The following CALB1 variants were observed in gnomAD, a reference collection of about 807,000 sequenced individuals.
CALB1 encodes calbindin 1.
Under a neutral mutation model 46.7 loss-of-function variants are expected in CALB1, and 16 were observed. The observed-to-expected ratio is 0.34, with a 90% confidence interval of 0.23 to 0.52. The LOEUF is 0.52. CALB1 is among the 20% of genes least tolerant of loss of function. The pLI is 0.95. For missense variants in CALB1, 224 were observed against 300.3 expected (o/e 0.75, Z 1.88); for synonymous variants, 90 against 112.8 (o/e 0.80, Z 1.28).
intron 3 of CALB1, among the ~76,000 whole-genome samples, chr8:90,076,180 C>G (rs1219689254): frequency 2.0e-5 from 3 of 151,998 alleles, no homozygotes; most frequent in African/African-American, 7.2e-5. Context: ...GTGCTTTGCC[C>G]AAATAACTTC....
chr8:90,069,974 CTT>C (rs200651134), intron 3 of CALB1, among the ~76,000 whole-genome samples: 11 of 140,414 alleles, frequency 7.8e-5, no homozygotes, highest in Admixed American at 1.4e-4. Context: ...ATCCTCCTCT[CTT>C]TTTTTTTTTT....
At chr8:90,063,615 T>C (rs1419464008) in intron 6 of CALB1, 154 bp from the exon 7 acceptor site, 1 of 625,462 alleles carries the variant, frequency 1.6e-6, no homozygotes, top group Non-Finnish European at 2.8e-6. Flanking sequence ...TCAATGCAAA[T>C]TTTCAATTCT....
At chr8:90,062,853 G>T in intron 9 of CALB1, 3 of 363,126 alleles carry the variant, frequency 8.3e-6, no homozygotes, top group South Asian at 4.3e-5. Flanking sequence ...CTTGTATGAG[G>T]TATCTAAAAT....
chr8:90,071,681 G>A (rs562279465), intron 3 of CALB1, among the ~76,000 whole-genome samples: 1 of 152,142 alleles, frequency 6.6e-6, no homozygotes, highest in Admixed American at 6.5e-5. Flanking sequence ...ACATTTTGAG[G>A]GAAAGATTGA....
chr8:90,082,876 C>T lies in CALB1; in HGVS notation c.-179G>A, dbSNP rs1410437632. The T allele has an allele frequency of 1.6e-6, 1 of 619,928 alleles. No homozygotes were observed. Among genetic ancestry groups the T allele is most frequent in the Admixed American group, 2.8e-5 (1 of 36,292 alleles). 38.4% of individuals were successfully genotyped at this position (619,928 alleles called of 1,614,324 possible). The stretch of plus-strand genomic sequence containing the variant: ...GCTCAGCGTTCCTCCAGAGTTCTCT[C>T]CCTACACCCCGCACCCAGTTCTCAG... On this transcript the variant is annotated 5_prime_UTR_variant, in exon 1 of 11. Transcript: ENST00000265431.
At chr8:90,060,365 A>G in intron 10 of CALB1, 79 bp from the exon 11 acceptor site, 1 of 887,464 alleles carries the variant, frequency 1.1e-6, no homozygotes, top group South Asian at 1.3e-5. Flanking sequence ...AAAATGTGAG[A>G]TGAAACTACT....
chr8:90,063,437 C>A lies in CALB1; in HGVS notation c.475G>T (p.Asp159Tyr). Residue 159 changes from aspartate to tyrosine, a missense_variant, in exon 7 of 11, where the codon GAT becomes TAT. By Grantham distance (160) the Asp-to-Tyr change is radical. Coordinates refer to ENST00000265431, the MANE Select transcript of CALB1 (RefSeq NM_004929.4). ...LMLKLFDSNN[D>Y]GKLELTEMAR... is the part of the protein sequence containing the mutation. ...ATCTCAGTTAATTCCAGCTTCCCAT[C>A]ATTATTTGAATCAAATAGTTTCAGC... The A allele has an allele frequency of 6.2e-7, 1 of 1,611,222 alleles. No individual in the cohort carries two copies. Among genetic ancestry groups the A allele is most frequent in the Admixed American group, 1.7e-5 (1 of 59,824 alleles).
intron 5 of CALB1, among the ~76,000 whole-genome samples, chr8:90,068,435 A>G (rs745580847): frequency 5.9e-5 from 9 of 152,180 alleles, no homozygotes; most frequent in Non-Finnish European, 1.3e-4. Flanking sequence ...TAGGTTGTGT[A>G]GAATGTCTAC....
intron 3 of CALB1, among the ~76,000 whole-genome samples, chr8:90,073,907 C>A (rs576130044): frequency 8.5e-5 from 13 of 152,276 alleles, no homozygotes; most frequent in African/African-American, 1.4e-4. Flanking sequence ...TGAAAGGCAA[C>A]TTCATTAGTG....
chr8:90,073,034 CTAG>C (rs1814562024), intron 3 of CALB1, among the ~76,000 whole-genome samples: 1 of 152,150 alleles, frequency 6.6e-6, no homozygotes, highest in Non-Finnish European at 1.5e-5. Context: ...GTCTCCCCTA[CTAG>C]TCTACGTGCT....
chr8:90,068,464 A>C (rs1814439449), intron 5 of CALB1, among the ~76,000 whole-genome samples: 1 of 152,194 alleles, frequency 6.6e-6, no homozygotes, highest in African/African-American at 2.4e-5. Flanking sequence ...GAGGCAGACA[A>C]GCCTGGATTT....
rs532517614 is a variant in CALB1, at chr8:90,070,548, C to T, written c.232-1311G>A. On this transcript the variant is annotated intron_variant, in intron 3 of 10. Coordinates refer to ENST00000265431, the MANE Select transcript of CALB1 (RefSeq NM_004929.4). ...TAATTTTTCTTATGCCTGTGTATGC[C>T]CTTTAGCTTATCTTATGTTTAGATT... Among the ~76,000 whole-genome samples, 4 of 151,894 alleles carry T rather than the reference C, an allele frequency of 2.6e-5. No individual in the cohort carries two copies. In the Middle Eastern group the frequency reaches 0.014, roughly 517 times the overall value.
intron 5 of CALB1, among the ~76,000 whole-genome samples, chr8:90,066,796 T>C (rs1015954328): frequency 6.6e-6 from 1 of 152,130 alleles, no homozygotes; most frequent in Admixed American, 6.6e-5. Context: ...TCATTCATTT[T>C]GTTTAGTGCT....
chr8:90,064,922 C>A (rs749391875), intron 6 of CALB1, among the ~76,000 whole-genome samples: 13 of 151,848 alleles, frequency 8.6e-5, no homozygotes, highest in Admixed American at 4.6e-4. Flanking sequence ...ATGCTGAAAG[C>A]AAACCTCAGT....
intron 1 of CALB1, 36 bp downstream of exon 1, chr8:90,082,583 C>G (rs759999406): frequency 5.2e-6 from 8 of 1,552,352 alleles, no homozygotes; most frequent in Non-Finnish European, 7.1e-6. Flanking sequence ...GGCATGGAAA[C>G]GGGTCTTGAA....
chr8:90,082,224 T>C, intron 1 of CALB1, 122 bp from the exon 2 acceptor site: 2 of 828,458 alleles, frequency 2.4e-6, no homozygotes, highest in South Asian at 3.0e-5. Flanking sequence ...GGACGTTGAT[T>C]AACCAGCAAA....
intron 3 of CALB1, among the ~76,000 whole-genome samples, chr8:90,070,676 GA>G (rs1814496237): frequency 6.6e-6 from 1 of 152,122 alleles, no homozygotes; most frequent in Non-Finnish European, 1.5e-5. Context: ...TGTTTAATAT[GA>G]CCTAGTTATA....
chr8:90,060,131 T>C lies in CALB1; in HGVS notation c.*42A>G, dbSNP rs1232844063. On this transcript the variant is annotated 3_prime_UTR_variant, in exon 11 of 11. Coordinates refer to ENST00000265431, the MANE Select transcript of CALB1 (RefSeq NM_004929.4). ...TCCCTTATAGTGCACAGTTATTTTT[T>C]AGATACAGTGTATCACTAGCAAGTG... 8.9e-7 allele frequency: 1 copy of C among 1,120,324 alleles called. No homozygotes were observed. The highest frequency in any genetic ancestry group is 1.4e-6 in the Non-Finnish European group (1 of 729,730). 69.4% of individuals were successfully genotyped at this position (1,120,324 alleles called of 1,614,324 possible). A position where few individuals can be genotyped will look rare whatever the true frequency, so the allele number is the denominator to read the frequency against.
At chr8:90,072,496 G>T (rs1814548673) in intron 3 of CALB1, among the ~76,000 whole-genome samples, 1 of 152,140 alleles carries the variant, frequency 6.6e-6, no homozygotes, top group Non-Finnish European at 1.5e-5. Context: ...ATGTTAGAAA[G>T]GAGTCTTAAG....
Sources: gnomAD v4.1 joint callset for allele counts (sites outside exome capture counted in the v4.1 genomes callset) on GRCh38, gnomAD v4.1.1 for gene constraint, MANE v1.5 for transcripts, NCBI Gene and HGNC (gene_info 2026-07-23, HGNC 2026-07-21) for gene names.